SCN2A: variants seen among roughly 807,000 people sequenced by gnomAD.
SCN2A encodes sodium voltage-gated channel alpha subunit 2, also known as sodium channel protein type 2 subunit alpha.
SCN2A carries 20 observed loss-of-function variants against 188.7 expected under a neutral mutation model. The observed-to-expected ratio is 0.11, with a 90% CI of 0.07 to 0.15. SCN2A has a LOEUF of 0.15. SCN2A is among the 10% of genes least tolerant of loss of function. The probability of loss-of-function intolerance (pLI) is 1.00; values close to 1 mark genes in which losing one functional copy is unlikely to be tolerated. For synonymous variants in SCN2A, 804 were observed against 833.1 expected, an observed-to-expected ratio of 0.97 and a Z score of 0.60; for missense variants, 1,278 against 2,445.0, an observed-to-expected ratio of 0.52 and a Z score of 10.07.
chr2:165,360,513 T>C (rs1407114124), intron 17 of SCN2A, among the ~76,000 whole-genome samples: 2 of 151,948 alleles, frequency 1.3e-5, no homozygotes, highest in African/African-American at 4.8e-5. Context: ...AGATTTTCAA[T>C]AGGAAGAGTC....
chr2:165,303,269 A>ATTTTTTTT (rs1162474748), intron 3 of SCN2A, among the ~76,000 whole-genome samples: 2 of 79,762 alleles, frequency 2.5e-5, no homozygotes, highest in East Asian at 6.6e-4. Context: ...TTGTTATTTG[A>ATTTTTTTT]GTTTTTTTTT....
At chr2:165,324,055 G>A (rs575232658) in intron 12 of SCN2A, among the ~76,000 whole-genome samples, 1 of 152,050 alleles carries the variant, frequency 6.6e-6, no homozygotes, top group African/African-American at 2.4e-5. Flanking sequence ...AAAAGTACCT[G>A]GTTTGGAATC....
At chr2:165,348,358 C>CAAAAAA (rs559810900) in intron 16 of SCN2A, among the ~76,000 whole-genome samples, 1 of 80,592 alleles carries the variant, frequency 1.2e-5, no homozygotes, top group African/African-American at 5.0e-5. Flanking sequence ...GACTCTGTTG[C>CAAAAAA]AAAAAAAAAA....
intron 1 of SCN2A, among the ~76,000 whole-genome samples, chr2:165,288,218 C>T (rs941155480): frequency 4.6e-5 from 7 of 152,058 alleles, no homozygotes; most frequent in African/African-American, 1.7e-4. Context: ...TTAATGGATG[C>T]TTTGTGTGGA....
intron 13 of SCN2A, among the ~76,000 whole-genome samples, chr2:165,329,627 G>A (rs1476053296): frequency 1.3e-5 from 2 of 151,814 alleles, no homozygotes; most frequent in African/African-American, 2.4e-5. Flanking sequence ...TCCAGTTCCT[G>A]TTTGCTTCTC....
At chr2:165,358,916 A>G (rs1700311937) in intron 17 of SCN2A, among the ~76,000 whole-genome samples, 1 of 152,096 alleles carries the variant, frequency 6.6e-6, no homozygotes, top group Admixed American at 6.6e-5. Flanking sequence ...TAATGTTGAA[A>G]TCACAGTTTT....
rs749758578 is a variant in SCN2A at position 165,388,885 on chromosome 2, C to T, written c.5079C>T (p.Asp1693=). 2.5e-6 allele frequency: 4 copies of T among 1,613,964 alleles called. No homozygotes were observed. Among genetic ancestry groups the T allele is most frequent in the African/African-American group, 2.7e-5 (2 of 74,916 alleles). The change falls in exon 27 of 27, where the codon GAC becomes GAT. Residue 1693 remains aspartate, a synonymous_variant. Transcript: ENST00000375437. ...AYVKREVGID[D]MFNFETFGNS... is the part of the protein sequence containing the mutation. The stretch of plus-strand genomic sequence containing the variant: ...TTAAGAGGGAAGTTGGGATCGATGA[C>T]ATGTTCAACTTTGAGACCTTTGGCA...
At chr2:165,296,480 A>T in intron 2 of SCN2A, 1 of 253,478 alleles carries the variant, frequency 3.9e-6, no homozygotes, top group East Asian at 9.8e-5. Flanking sequence ...CAGGAGTAGT[A>T]TCTAAATTCC....
intron 3 of SCN2A, among the ~76,000 whole-genome samples, chr2:165,306,834 A>T (rs559277708): frequency 8.6e-4 from 131 of 152,236 alleles, no homozygotes; most frequent in African/African-American, 3.0e-3. Flanking sequence ...GTGAGAAAAG[A>T]TATGAAGAGC....
chr2:165,350,909 A>G (rs1033451766), intron 16 of SCN2A, among the ~76,000 whole-genome samples: 1 of 152,196 alleles, frequency 6.6e-6, no homozygotes, highest in Non-Finnish European at 1.5e-5. Flanking sequence ...TAAGGTAAAT[A>G]AAAAGATAGT....
At chr2:165,327,081 G>C in intron 13 of SCN2A, 97 bp downstream of exon 13, 1 of 1,403,104 alleles carries the variant, frequency 7.1e-7, no homozygotes, top group South Asian at 1.2e-5. Flanking sequence ...ACTTGATATT[G>C]TATCATTATT....
At position 165,308,907 on chromosome 2, in the gene SCN2A, A is replaced by G. The variant is rs1697283127; in HGVS notation, c.605+113A>G. The G allele has an allele frequency of 2.0e-5, 27 of 1,355,468 alleles. 2 individuals carry two copies. The South Asian group carries it at 3.3e-4, about 16-fold the overall frequency. 84.0% of individuals were successfully genotyped at this position (1,355,468 alleles called of 1,614,324 possible). A position where few individuals can be genotyped will look rare whatever the true frequency, so the allele number is the denominator to read the frequency against. ...AGACCAAGCATTTTTCTTAGTAATC[A>G]TAGTTTTCTTCCAATCAAATTATCC... On this transcript the variant is annotated intron_variant, in intron 5 of 26. Transcript: ENST00000375437.
chr2:165,241,691 T>C (rs1446183103), intron 1 of SCN2A, among the ~76,000 whole-genome samples: 2 of 152,116 alleles, frequency 1.3e-5, no homozygotes, highest in Non-Finnish European at 2.9e-5. Flanking sequence ...TATCTCAAAA[T>C]AAGGAATGAA....
chr2:165,333,666 T>G (rs1698820738), intron 14 of SCN2A, among the ~76,000 whole-genome samples: 1 of 151,686 alleles, frequency 6.6e-6, no homozygotes, highest in African/African-American at 2.4e-5. Context: ...AAAGACAAAT[T>G]TATACTCTAA....
rs375903379 is a variant in SCN2A at position 165,266,498 on chromosome 2, A to G, written c.-52+26858A>G. 13 of 152,266 alleles carry G rather than the reference A, an allele frequency of 8.5e-5. No homozygotes were observed. The South Asian group carries it at 1.9e-3, about 22-fold the overall frequency. The allele number at this position is 152,266 out of a possible 1,614,324, so 9.4% of individuals were successfully genotyped here. A position where few individuals can be genotyped will look rare whatever the true frequency, so the allele number is the denominator to read the frequency against. ...CAGGGAAGGTTTCTGTTTCCTGTGT[A>G]TCAAGTTTCCCAAACAAGAATCTTG... On this transcript the variant is annotated intron_variant, in intron 1 of 26. Transcript: ENST00000375437.
At chr2:165,258,846 T>C (rs1210905387) in intron 1 of SCN2A, among the ~76,000 whole-genome samples, 1 of 152,152 alleles carries the variant, frequency 6.6e-6, no homozygotes, top group East Asian at 1.9e-4. Flanking sequence ...TAAAACCCAA[T>C]ACCACATGTT....
chr2:165,345,983 G>A (rs1699564441), intron 16 of SCN2A, among the ~76,000 whole-genome samples: 1 of 152,090 alleles, frequency 6.6e-6, no homozygotes, highest in Non-Finnish European at 1.5e-5. Context: ...AGTTTGGCTG[G>A]ATATGAAATT....
chr2:165,270,890 A>G (rs1019972316), intron 1 of SCN2A: 3 of 152,138 alleles, frequency 2.0e-5, no homozygotes, highest in African/African-American at 7.2e-5. Context: ...AGGAGTCAAA[A>G]TGCTAGTTGC....
intron 3 of SCN2A, among the ~76,000 whole-genome samples, chr2:165,303,276 T>TTTTTTTG (rs1696925245): frequency 1.1e-5 from 1 of 89,522 alleles, no homozygotes; most frequent in African/African-American, 4.3e-5. Context: ...TTGAGTTTTT[T>TTTTTTTG]TTTTTTTTTT....
Sources: allele counts gnomAD v4.1 joint callset (sites outside exome capture counted in the v4.1 genomes callset), GRCh38; gene constraint gnomAD v4.1.1; transcripts MANE v1.5; gene names NCBI Gene and HGNC (gene_info 2026-07-23, HGNC 2026-07-21).